RAD51B: variants seen among roughly 807,000 people sequenced by gnomAD.
RAD51B encodes DNA repair protein RAD51 homolog 2.
A neutral mutation model predicts 42.2 loss-of-function variants in RAD51B; 38 were observed. The observed-to-expected ratio is 0.90, with a 90% CI of 0.70 to 1.18. The LOEUF (loss-of-function observed/expected upper bound fraction) is 1.18, where lower values mean the gene tolerates loss of function less well. RAD51B is among the 50% of genes most tolerant of loss of function. RAD51B has a pLI of 0.00. For missense variants in RAD51B, 373 were observed against 400.7 expected, an observed-to-expected ratio of 0.93 and a Z score of 0.59; for synonymous variants, 154 against 145.2, an observed-to-expected ratio of 1.06 and a Z score of -0.43.
intron 7 of RAD51B, among the ~76,000 whole-genome samples, chr14:68,213,176 G>A (rs1047623371): frequency 2.6e-5 from 4 of 152,094 alleles, no homozygotes; most frequent in African/African-American, 7.2e-5. Flanking sequence ...GTTGATGGGC[G>A]GATTTGCTAA....
Position 68,134,569 on chromosome 14 carries a change from A to G in RAD51B, c.757-157315A>G, listed in dbSNP as rs1233669524. 3.3e-5 allele frequency among the ~76,000 whole-genome samples: 5 copies of G among 152,160 alleles called. 1 individual carries two copies. The highest frequency in any genetic ancestry group is 5.9e-5 in the Non-Finnish European group (4 of 68,012). ...CATTTTACATTTCCACCAGCAGTGT[A>G]TGAGTGATCCAAAATCATTTAGCGT... On this transcript the variant is annotated intron_variant, in intron 7 of 10. Coordinates refer to ENST00000471583, the MANE Select transcript of RAD51B (RefSeq NM_133510.4).
At chr14:68,011,982 C>G (rs999411533) in intron 7 of RAD51B, among the ~76,000 whole-genome samples, 19 of 152,012 alleles carry the variant, frequency 1.2e-4, no homozygotes, top group African/African-American at 4.6e-4. Context: ...TCATGAATCT[C>G]AATAAACAAA....
At chr14:68,296,499 A>T (rs1173007246) in intron 8 of RAD51B, among the ~76,000 whole-genome samples, 2 of 152,170 alleles carry the variant, frequency 1.3e-5, no homozygotes, top group African/African-American at 4.8e-5. Flanking sequence ...AGTCATAGGT[A>T]ACATCTCTTT....
intron 7 of RAD51B, among the ~76,000 whole-genome samples, chr14:68,009,192 T>C (rs1243669956): frequency 1.3e-5 from 2 of 151,964 alleles, no homozygotes; most frequent in Non-Finnish European, 2.9e-5. Context: ...GCTATCATAC[T>C]GATTAGGGGT....
At chr14:68,063,113 G>A (rs2076595097) in intron 7 of RAD51B, among the ~76,000 whole-genome samples, 1 of 151,738 alleles carries the variant, frequency 6.6e-6, no homozygotes, top group Admixed American at 6.6e-5. Context: ...TTATTTTGGG[G>A]GGTTTTCTTT....
chr14:67,828,447 A>G (rs2040908758), intron 3 of RAD51B, among the ~76,000 whole-genome samples: 1 of 151,428 alleles, frequency 6.6e-6, no homozygotes, highest in African/African-American at 2.4e-5. Flanking sequence ...TTCTACCATG[A>G]TAGTTTCTTT....
intron 10 of RAD51B, among the ~76,000 whole-genome samples, chr14:68,604,974 G>T (rs1408049095): frequency 6.6e-6 from 1 of 152,060 alleles, no homozygotes; most frequent in Non-Finnish European, 1.5e-5. Context: ...TCATATAACT[G>T]CTGGCATCAA....
At chr14:67,983,560 C>A (rs72725149) in intron 7 of RAD51B, among the ~76,000 whole-genome samples, 27,069 of 152,002 alleles carry the variant, frequency 0.18, 2,624 homozygotes, top group Middle Eastern at 0.36. Context: ...AAAATATTAT[C>A]AAATTAGGAA....
chr14:68,046,865 A>G (rs115589376), intron 7 of RAD51B, among the ~76,000 whole-genome samples: 2,144 of 152,244 alleles, frequency 0.014, 60 homozygotes, highest in African/African-American at 0.048. Flanking sequence ...AGGATATTGC[A>G]TTTCAGTGTA....
chr14:68,050,863 A>G (rs1051484011), intron 7 of RAD51B, among the ~76,000 whole-genome samples: 1 of 152,034 alleles, frequency 6.6e-6, no homozygotes, highest in Non-Finnish European at 1.5e-5. Flanking sequence ...ATCACCTTAT[A>G]TACAGTTATT....
chr14:68,371,216 A>T (rs1261070118), intron 8 of RAD51B, among the ~76,000 whole-genome samples: 1 of 151,686 alleles, frequency 6.6e-6, no homozygotes, highest in Non-Finnish European at 1.5e-5. Flanking sequence ...AGGTTAGGGG[A>T]TTAAGAGTTC....
At chr14:67,992,989 A>C (rs1018666841) in intron 7 of RAD51B, among the ~76,000 whole-genome samples, 2 of 152,140 alleles carry the variant, frequency 1.3e-5, no homozygotes, top group Non-Finnish European at 2.9e-5. Flanking sequence ...GGTACTAGGA[A>C]GTTGATATAT....
intron 7 of RAD51B, among the ~76,000 whole-genome samples, chr14:68,133,474 A>AT (rs1037317776): frequency 7.9e-5 from 12 of 151,560 alleles, no homozygotes; most frequent in African/African-American, 1.7e-4. Flanking sequence ...AATCTGAATG[A>AT]TTTTTTTTTC....
chr14:68,291,166 A>G (rs1381429949), intron 7 of RAD51B, among the ~76,000 whole-genome samples: 1 of 151,398 alleles, frequency 6.6e-6, no homozygotes, highest in Non-Finnish European at 1.5e-5. Context: ...TGTGGTTGCA[A>G]TTTTATTTTA....
At chr14:68,169,791 G>A (rs1219931000) in intron 7 of RAD51B, among the ~76,000 whole-genome samples, 6 of 152,090 alleles carry the variant, frequency 3.9e-5, no homozygotes, top group African/African-American at 1.2e-4. Context: ...TGAATTAGAG[G>A]TTCTAATATA....
intron 7 of RAD51B, among the ~76,000 whole-genome samples, chr14:68,075,076 G>T (rs1269694177): frequency 1.3e-5 from 2 of 152,204 alleles, no homozygotes; most frequent in Admixed American, 6.5e-5. Context: ...GGCGATGGCA[G>T]AGAGCCTTTC....
intron 11 of RAD51B, among the ~76,000 whole-genome samples, chr14:68,659,331 A>G (rs945571097): frequency 6.6e-6 from 1 of 152,208 alleles, no homozygotes; most frequent in African/African-American, 2.4e-5. Context: ...GAAGGCGAGG[A>G]TGAGGCTAAA....
At chr14:68,540,326 G>A (rs941861184) in intron 10 of RAD51B, 12 of 1,049,766 alleles carry the variant, frequency 1.1e-5, no homozygotes, top group Non-Finnish European at 1.4e-5. Context: ...TGGATCATCA[G>A]ACCTCTTCTA....
At chr14:68,132,284 ATAGT>A (rs775498438) in intron 7 of RAD51B, among the ~76,000 whole-genome samples, 110 of 152,332 alleles carry the variant, frequency 7.2e-4, no homozygotes, top group Non-Finnish European at 1.5e-3. Context: ...TATTATCAAA[ATAGT>A]AAGGAAATAT....
Sources: allele counts gnomAD v4.1 joint callset (sites outside exome capture counted in the v4.1 genomes callset), GRCh38; gene constraint gnomAD v4.1.1; transcripts MANE v1.5; gene names NCBI Gene and HGNC (gene_info 2026-07-23, HGNC 2026-07-21).